The following SREBF2 variants were observed in gnomAD, a reference collection of about 807,000 sequenced individuals.
SREBF2 encodes the protein sterol regulatory element-binding protein 2.
In SREBF2, 55 loss-of-function variants were observed where a neutral mutation model predicts 113.1. The observed-to-expected ratio is 0.49, with a 90% CI of 0.39 to 0.61. The LOEUF (loss-of-function observed/expected upper bound fraction) is 0.61. Among genes scored for constraint, SREBF2 ranks in the 20% least tolerant of loss-of-function variants. The pLI is 0.00. For missense variants in SREBF2, 1,349 were observed against 1,487.4 expected, an observed-to-expected ratio of 0.91 and a Z score of 1.53; for synonymous variants, 593 against 605.7, an observed-to-expected ratio of 0.98 and a Z score of 0.31.
Position 41,894,863 on chromosome 22 carries a change from G to A in SREBF2, c.2421G>A (p.Leu807=), listed in dbSNP as rs139099680. ...AQVHQAFCKN[L]LERAIESLVK... The stretch of plus-strand genomic sequence containing the variant: ...TCCACCAGGCCTTCTGCAAGAACCT[G>A]CTGGAGCGAGCTATAGAGTCCTTGG... Residue 807 remains leucine (L), a synonymous_variant, in exon 13 of 19, where the codon CTG becomes CTA. Coordinates refer to ENST00000361204, the MANE Select transcript of SREBF2 (RefSeq NM_004599.4). 341 of 1,614,148 alleles carry A rather than the reference G, an allele frequency of 2.1e-4. No homozygotes were observed. In the African/African-American group the frequency reaches 4.0e-3, roughly 19 times the overall value.
At chr22:41,852,886 G>C (rs536022677) in intron 1 of SREBF2, among the ~76,000 whole-genome samples, 2 of 151,920 alleles carry the variant, frequency 1.3e-5, no homozygotes, top group East Asian at 3.9e-4. Flanking sequence ...CTCCCAAGTA[G>C]CTGCAGGCAT....
chr22:41,841,527 C>T (rs1484211387), intron 1 of SREBF2, among the ~76,000 whole-genome samples: 5 of 152,252 alleles, frequency 3.3e-5, no homozygotes, highest in Admixed American at 3.3e-4. Flanking sequence ...TCCCCACATT[C>T]ACACCCAGGC....
At position 41,875,568 on chromosome 22, in the gene SREBF2, C is replaced by T; in HGVS notation, c.1230C>T (p.Gly410=). 1 of 1,614,222 alleles carries T rather than the reference C, an allele frequency of 6.2e-7. No individual in the cohort carries two copies. Among genetic ancestry groups the T allele is most frequent in the Non-Finnish European group, 8.5e-7 (1 of 1,180,040 alleles). The change falls in exon 7 of 19, where the codon GGC becomes GGT. Residue 410 remains glycine, a synonymous_variant. Coordinates refer to ENST00000361204, the MANE Select transcript of SREBF2 (RefSeq NM_004599.4). ...AGCTTCTAAAGGGCATCGACCTAGG[C>T]AGTCTGGTGGACAATGAGGTGGACC... ...KNKLLKGIDL[G]SLVDNEVDLK...
intron 1 of SREBF2, among the ~76,000 whole-genome samples, chr22:41,846,370 T>G (rs947223744): frequency 6.6e-6 from 1 of 152,178 alleles, no homozygotes; most frequent in East Asian, 1.9e-4. Flanking sequence ...GGTCATTCCC[T>G]CAAGGGTCGC....
intron 15 of SREBF2, 113 bp from the exon 16 acceptor site, chr22:41,900,217 A>G: frequency 6.5e-7 from 1 of 1,543,720 alleles, no homozygotes; most frequent in Admixed American, 1.9e-5. Context: ...TGGAGTCAAC[A>G]GATGCACATG....
intron 2 of SREBF2, among the ~76,000 whole-genome samples, chr22:41,868,132 G>C (rs1354221298): frequency 6.6e-6 from 1 of 152,166 alleles, no homozygotes; most frequent in Non-Finnish European, 1.5e-5. Flanking sequence ...CTGACTCTGT[G>C]GGGAGCCCAG....
intron 11 of SREBF2, among the ~76,000 whole-genome samples, chr22:41,890,576 A>G (rs576258145): frequency 2.3e-4 from 35 of 152,202 alleles, no homozygotes; most frequent in Non-Finnish European, 4.4e-4. Flanking sequence ...CCTCTTTCAC[A>G]TCAGGCAATT....
intron 1 of SREBF2, among the ~76,000 whole-genome samples, chr22:41,835,231 A>AGAGATGAGGTCTCACTATGTCGCCAG (rs1569365063): frequency 1.2e-5 from 1 of 84,738 alleles, no homozygotes; most frequent in African/African-American, 4.8e-5. Flanking sequence ...GCACAATCAT[A>AGAGATGAGGTCTCACTATGTCGCCAG]GCACAAACTC....
chr22:41,876,877 AT>A (rs1431351180), intron 7 of SREBF2, among the ~76,000 whole-genome samples: 2 of 152,188 alleles, frequency 1.3e-5, no homozygotes, highest in Non-Finnish European at 2.9e-5. Context: ...ACAATGACTG[AT>A]TCATTGGTTT....
chr22:41,847,472 C>T (rs945751195), intron 1 of SREBF2, among the ~76,000 whole-genome samples: 2 of 152,166 alleles, frequency 1.3e-5, no homozygotes, highest in Non-Finnish European at 2.9e-5. Context: ...CCTGGGATGA[C>T]ACATCCTTCT....
chr22:41,847,885 G>A (rs1449253862), intron 1 of SREBF2, among the ~76,000 whole-genome samples: 1 of 151,266 alleles, frequency 6.6e-6, no homozygotes, highest in Non-Finnish European at 1.5e-5. Context: ...TGTTCTCAAA[G>A]TCTGTTTCTT....
chr22:41,899,234 C>T lies in SREBF2; in HGVS notation c.2738+453C>T, dbSNP rs981348148. Reference sequence around the variant, plus strand: ...GCTAGCATTTTATCCACTTTCCTTCCAGCCACCTCCACCCCCACCATCAAC... The same window carrying T: ...GCTAGCATTTTATCCACTTTCCTTCTAGCCACCTCCACCCCCACCATCAAC... On this transcript the variant is annotated intron_variant, in intron 15 of 18. Transcript: ENST00000361204. 9.2e-6 allele frequency: 10 copies of T among 1,083,708 alleles called. No individual in the cohort carries two copies. In the African/African-American group the frequency reaches 1.1e-4, roughly 12 times the overall value. The allele number at this position is 1,083,708 out of a possible 1,614,324, so 67.1% of individuals were successfully genotyped here.
intron 1 of SREBF2, among the ~76,000 whole-genome samples, chr22:41,853,350 T>G (rs1210749841): frequency 6.6e-6 from 1 of 152,200 alleles, no homozygotes; most frequent in African/African-American, 2.4e-5. Flanking sequence ...CTCTTGAGGT[T>G]CCCTGGCCTA....
At chr22:41,834,634 ATC>A (rs2076752487) in intron 1 of SREBF2, 1 of 152,602 alleles carries the variant, frequency 6.6e-6, no homozygotes, top group Non-Finnish European at 1.5e-5. Flanking sequence ...ATTGAAAAGG[ATC>A]TGTTTGCCAT....
chr22:41,835,383 T>C (rs2148333096), intron 1 of SREBF2, among the ~76,000 whole-genome samples: 1 of 149,676 alleles, frequency 6.7e-6, no homozygotes, highest in East Asian at 2.0e-4. Context: ...CGATCTCGGC[T>C]CACCGCAACC....
At chr22:41,900,678 C>T (rs1034572339) in intron 16 of SREBF2, among the ~76,000 whole-genome samples, 180 bp downstream of exon 16, 6 of 152,232 alleles carry the variant, frequency 3.9e-5, no homozygotes, top group African/African-American at 1.2e-4. Context: ...TTTTTCATCC[C>T]TTTTCAGCCT....
At chr22:41,857,641 A>G (rs1475656260) in intron 1 of SREBF2, among the ~76,000 whole-genome samples, 1 of 152,208 alleles carries the variant, frequency 6.6e-6, no homozygotes, top group African/African-American at 2.4e-5. Flanking sequence ...GAGTTCACTC[A>G]TCTGTTGCTT....
At chr22:41,875,119 C>T (rs538855001) in intron 5 of SREBF2, among the ~76,000 whole-genome samples, 2 of 152,172 alleles carry the variant, frequency 1.3e-5, no homozygotes, top group Admixed American at 6.6e-5. Context: ...GTGATTCACG[C>T]GCTTTCATTA....
In SREBF2 at chr22:41,875,605, G is replaced by A. The variant is rs867086665; in HGVS notation, c.1267G>A (p.Asp423Asn). The A allele has an allele frequency of 2.1e-5, 34 of 1,614,104 alleles. 1 individual carries two copies. In the African/African-American group the frequency reaches 2.3e-4, roughly 11 times the overall value. ...CAATGAGGTGGACCTGAAGATCGAGGACTTTAATCAGAATGTCCTTCTGAT... is the reference window on the plus strand; with the variant it reads ...CAATGAGGTGGACCTGAAGATCGAGAACTTTAATCAGAATGTCCTTCTGAT... ...VDNEVDLKIE[D>N]FNQNVLLMSP... The change falls in exon 7 of 19, where the codon GAC becomes AAC. Residue 423 changes from aspartate to asparagine, a missense_variant. By Grantham distance (23) the Asp-to-Asn change is conservative. Around this residue, in one of 2 missense-constraint regions of SREBF2, gnomAD observed 699 missense variants for 843.3 expected, o/e 0.83. Coordinates refer to ENST00000361204, the MANE Select transcript of SREBF2 (RefSeq NM_004599.4).
Sources: allele counts gnomAD v4.1 joint callset (sites outside exome capture counted in the v4.1 genomes callset), GRCh38; gene constraint gnomAD v4.1.1; regional missense constraint gnomAD v4.1.1; transcripts MANE v1.5; gene names NCBI Gene and HGNC (gene_info 2026-07-23, HGNC 2026-07-21).